ASCC1: variants seen among roughly 807,000 people sequenced by gnomAD.
ASCC1 encodes the protein activating signal cointegrator 1 complex subunit 1.
A neutral mutation model predicts 46.6 loss-of-function variants in ASCC1; 35 were observed. The ratio of observed to expected loss-of-function variants is 0.75; its 90% CI spans 0.57 to 0.99. The LOEUF is 0.99. ASCC1 is among the 50% of genes least tolerant of loss of function. The pLI is 0.00. For synonymous variants in ASCC1, 143 were observed against 146.6 expected (o/e 0.98, Z 0.18); for missense variants, 376 against 428.7 (o/e 0.88, Z 1.09).
intron 3 of ASCC1, among the ~76,000 whole-genome samples, chr10:72,205,565 G>C (rs763571496): frequency 1.3e-5 from 2 of 151,258 alleles, no homozygotes; most frequent in Non-Finnish European, 2.9e-5. Flanking sequence ...GGGAGGCAGA[G>C]GTTGCAGTGA....
chr10:72,210,875 T>C (rs767687557), intron 2 of ASCC1, 44 bp from the exon 3 acceptor site: 19 of 1,581,188 alleles, frequency 1.2e-5, no homozygotes, highest in Non-Finnish European at 1.6e-5. Context: ...AATGTTGCTC[T>C]GTGGACAACA....
chr10:72,133,832 T>A (rs745390836), intron 7 of ASCC1: 21 of 160,126 alleles, frequency 1.3e-4, no homozygotes, highest in Non-Finnish European at 2.3e-4. Flanking sequence ...ACAGTCAACA[T>A]CACTATGATG....
chr10:72,184,140 T>C (rs1031390809), intron 5 of ASCC1, among the ~76,000 whole-genome samples: 3 of 147,728 alleles, frequency 2.0e-5, no homozygotes, highest in African/African-American at 7.5e-5. Flanking sequence ...CCAGACTCCA[T>C]CTCAAAAAAT....
intron 7 of ASCC1, among the ~76,000 whole-genome samples, chr10:72,140,134 C>T (rs983637921): frequency 3.3e-5 from 5 of 152,086 alleles, no homozygotes; most frequent in Non-Finnish European, 7.4e-5. Flanking sequence ...CTATGTCATG[C>T]ATTACAAAAG....
At chr10:72,201,326 T>C (rs1452446614) in intron 4 of ASCC1, among the ~76,000 whole-genome samples, 1 of 152,160 alleles carries the variant, frequency 6.6e-6, no homozygotes, top group African/African-American at 2.4e-5. Flanking sequence ...GTGATTATTC[T>C]CACATAACAT....
chr10:72,188,595 C>G lies in ASCC1; in HGVS notation c.489+8216G>C, dbSNP rs565745442. Among the ~76,000 whole-genome samples, 11 of 152,112 alleles carry G rather than the reference C, an allele frequency of 7.2e-5. No homozygotes were observed. In the South Asian group the frequency reaches 1.2e-3, roughly 17 times the overall value. On this transcript the variant is annotated intron_variant, in intron 5 of 9. Transcript: ENST00000672957. ...AGAAAAGATCTTGTAAAAGTTTTCA[C>G]CCAAAACATTTTCACTTTGCCACAA...
At chr10:72,159,979 A>T (rs1355606298) in intron 6 of ASCC1, among the ~76,000 whole-genome samples, 1 of 142,948 alleles carries the variant, frequency 7.0e-6, no homozygotes, top group Non-Finnish European at 1.5e-5. Flanking sequence ...ATCTCGGCTC[A>T]CTGCAAGCTC....
At chr10:72,131,404 G>A (rs572448760) in intron 8 of ASCC1, among the ~76,000 whole-genome samples, 29 of 150,558 alleles carry the variant, frequency 1.9e-4, no homozygotes, top group Non-Finnish European at 3.2e-4. Context: ...CTGGGCGACA[G>A]AGCAAGACTC....
intron 5 of ASCC1, among the ~76,000 whole-genome samples, chr10:72,164,289 TCC>T (rs1850069272): frequency 6.6e-6 from 1 of 152,222 alleles, no homozygotes; most frequent in East Asian, 1.9e-4. Context: ...AAATAATCAC[TCC>T]TCTTTCTCCA....
At chr10:72,166,495 T>C (rs1221903790) in intron 5 of ASCC1, among the ~76,000 whole-genome samples, 2 of 127,386 alleles carry the variant, frequency 1.6e-5, no homozygotes, top group Non-Finnish European at 3.6e-5. Flanking sequence ...GAGTTTTTTT[T>C]CTCTACAAAA....
chr10:72,119,401 C>T (rs1843905753), intron 9 of ASCC1, among the ~76,000 whole-genome samples: 1 of 152,282 alleles, frequency 6.6e-6, no homozygotes, highest in South Asian at 2.1e-4. Flanking sequence ...CTCTAGCCAT[C>T]CACAGTGGGG....
At chr10:72,113,858 G>C (rs1843188675) in intron 9 of ASCC1, among the ~76,000 whole-genome samples, 1 of 152,124 alleles carries the variant, frequency 6.6e-6, no homozygotes, top group South Asian at 2.1e-4. Context: ...ATCAAAGAAG[G>C]GAGGCAGAGC....
intron 9 of ASCC1, among the ~76,000 whole-genome samples, chr10:72,102,083 C>T (rs555690069): frequency 3.3e-4 from 50 of 152,178 alleles, no homozygotes; most frequent in African/African-American, 1.1e-3. Context: ...AACAAACCCC[C>T]GTGACACATG....
At chr10:72,176,263 G>A (rs1324524716) in intron 5 of ASCC1, among the ~76,000 whole-genome samples, 1 of 152,070 alleles carries the variant, frequency 6.6e-6, no homozygotes, top group Non-Finnish European at 1.5e-5. Flanking sequence ...TACCTCTCAA[G>A]ACATCCTCCA....
chr10:72,131,873 ATTTT>A (rs914278355), intron 8 of ASCC1, among the ~76,000 whole-genome samples: 2 of 114,952 alleles, frequency 1.7e-5, no homozygotes, highest in Admixed American at 9.1e-5. Context: ...CTCTAGATAG[ATTTT>A]TTTTTTTTTT....
At chr10:72,158,781 T>G (rs1057116906) in intron 6 of ASCC1, among the ~76,000 whole-genome samples, 1 of 152,210 alleles carries the variant, frequency 6.6e-6, no homozygotes, top group South Asian at 2.1e-4. Context: ...TCTGTTCATT[T>G]TTCAGTGTTT....
At chr10:72,117,822 A>G (rs548130076) in intron 9 of ASCC1, among the ~76,000 whole-genome samples, 116 of 152,366 alleles carry the variant, frequency 7.6e-4, no homozygotes, top group African/African-American at 2.7e-3. Context: ...AGCCTGGAGA[A>G]GAAGTGACAT....
intron 4 of ASCC1, among the ~76,000 whole-genome samples, chr10:72,202,926 AATC>A (rs1332768213): frequency 1.3e-5 from 2 of 152,156 alleles, no homozygotes; most frequent in African/African-American, 2.4e-5. Context: ...CCAGGTACTC[AATC>A]AAGATAAGGT....
intron 7 of ASCC1, among the ~76,000 whole-genome samples, chr10:72,152,257 G>A (rs1707618252): frequency 6.9e-6 from 1 of 143,990 alleles, no homozygotes; most frequent in Non-Finnish European, 1.5e-5. Context: ...TTGAACTCCT[G>A]GGCTTAAAGC....
Sources: gnomAD v4.1 joint callset for allele counts (sites outside exome capture counted in the v4.1 genomes callset) on GRCh38, gnomAD v4.1.1 for gene constraint, MANE v1.5 for transcripts, NCBI Gene and HGNC (gene_info 2026-07-23, HGNC 2026-07-21) for gene names.